Variants in WDPCP observed in about 807,000 individuals in gnomAD.
WDPCP encodes WD repeat containing planar cell polarity effector.
A neutral mutation model predicts 93.1 loss-of-function variants in WDPCP; 71 were observed. The observed-to-expected ratio is 0.76, with a 90% CI of 0.63 to 0.93. The LOEUF (loss-of-function observed/expected upper bound fraction) is 0.93. WDPCP is among the 40% of genes least tolerant of loss of function. The pLI is 0.00. For missense variants in WDPCP, 844 were observed against 887.4 expected (o/e 0.95, Z 0.62); for synonymous variants, 315 against 315.0 (o/e 1.00, Z 0.00).
At chr2:63,202,945 G>A (rs1194979658) in intron 14 of WDPCP, among the ~76,000 whole-genome samples, 1 of 151,998 alleles carries the variant, frequency 6.6e-6, no homozygotes, top group Non-Finnish European at 1.5e-5. Flanking sequence ...AGTGAGTTCA[G>A]CCCATTTACA....
In WDPCP at chr2:63,622,601, C is replaced by T. The variant is rs1575732198; in HGVS notation, n.488+28058G>A. 10 of 1,613,822 alleles carry T rather than the reference C, an allele frequency of 6.2e-6. No individual in the cohort carries two copies. In the South Asian group the frequency reaches 6.6e-5, roughly 11 times the overall value. ...CAATAGAGTCCTCCAGGATGTACAC[C>T]GAGTGAGCAACATTGGCAGGAAATA... On this transcript the variant is annotated intron_variant and non_coding_transcript_variant, in intron 3 of 4. Transcript: ENST00000467687.
intron 13 of WDPCP, among the ~76,000 whole-genome samples, chr2:63,260,057 G>C (rs1427370024): frequency 2.0e-5 from 3 of 152,190 alleles, no homozygotes; most frequent in Non-Finnish European, 4.4e-5. Context: ...GATCTCTGAT[G>C]GTAGTCTTGA....
intron 2 of WDPCP, among the ~76,000 whole-genome samples, chr2:63,702,740 C>CT (rs1249843621): frequency 4.1e-5 from 6 of 147,864 alleles, no homozygotes; most frequent in Admixed American, 6.8e-5. Flanking sequence ...TTTAATTATA[C>CT]TTTAAGTTTT....
At chr2:63,738,503 G>C (rs1237615818) in intron 2 of WDPCP, among the ~76,000 whole-genome samples, 2 of 151,868 alleles carry the variant, frequency 1.3e-5, no homozygotes, top group African/African-American at 4.8e-5. Context: ...GAATGCTTAT[G>C]ACAAATGAGA....
At chr2:63,498,411 A>C (rs1225940410) in intron 1 of WDPCP, among the ~76,000 whole-genome samples, 1 of 152,196 alleles carries the variant, frequency 6.6e-6, no homozygotes, top group East Asian at 1.9e-4. Flanking sequence ...AATTCTAGAA[A>C]GCCCCTTTTC....
At chr2:63,504,171 T>C (rs1479743515) in intron 1 of WDPCP, among the ~76,000 whole-genome samples, 1 of 152,102 alleles carries the variant, frequency 6.6e-6, no homozygotes, top group African/African-American at 2.4e-5. Context: ...GAAAACCTTT[T>C]TTCTATGGCT....
intron 6 of WDPCP, among the ~76,000 whole-genome samples, chr2:63,450,101 C>A (rs1484958094): frequency 1.3e-5 from 2 of 152,180 alleles, no homozygotes; most frequent in African/African-American, 4.8e-5. Flanking sequence ...AGTGACCGTG[C>A]CTCAAGCAGT....
chr2:63,468,294 T>TCTC (rs943054430), intron 6 of WDPCP, among the ~76,000 whole-genome samples: 1 of 152,212 alleles, frequency 6.6e-6, no homozygotes, highest in Non-Finnish European at 1.5e-5. Flanking sequence ...ACATGGCTAG[T>TCTC]ACTATCTTGC....
At chr2:63,351,480 A>G (rs1188441498) in intron 12 of WDPCP, among the ~76,000 whole-genome samples, 1 of 151,876 alleles carries the variant, frequency 6.6e-6, no homozygotes, top group Non-Finnish European at 1.5e-5. Context: ...ATTAATGTCC[A>G]TGTATGCTCA....
chr2:63,440,012 CT>C, intron 6 of WDPCP, 141 bp from the exon 7 acceptor site: 1 of 641,676 alleles, frequency 1.6e-6, no homozygotes, highest in East Asian at 2.8e-5. Context: ...ATTTTCTTCA[CT>C]GAAAAACAAT....
At chr2:63,584,594 A>G (rs947471816) in intron 1 of WDPCP, among the ~76,000 whole-genome samples, 1 of 152,134 alleles carries the variant, frequency 6.6e-6, no homozygotes, top group Non-Finnish European at 1.5e-5. Context: ...ACATTTTCCT[A>G]TTGATGGCCA....
chr2:63,547,646 G>T (rs1705251208), intron 1 of WDPCP, among the ~76,000 whole-genome samples: 1 of 151,306 alleles, frequency 6.6e-6, no homozygotes, highest in African/African-American at 2.4e-5. Context: ...GTCATTTGCA[G>T]CAACATAGAT....
At chr2:63,212,657 A>G (rs1302271257) in intron 14 of WDPCP, among the ~76,000 whole-genome samples, 1 of 152,216 alleles carries the variant, frequency 6.6e-6, no homozygotes, top group Non-Finnish European at 1.5e-5. Context: ...GCCCCAATTA[A>G]AAGACACAGA....
chr2:63,312,986 G>A (rs374199803), intron 13 of WDPCP, among the ~76,000 whole-genome samples: 1 of 151,642 alleles, frequency 6.6e-6, no homozygotes, highest in African/African-American at 2.4e-5. Flanking sequence ...CAAGGTACAT[G>A]AGGAGAAAAG....
intron 3 of WDPCP, among the ~76,000 whole-genome samples, chr2:63,639,172 G>A (rs1406150198): frequency 6.6e-6 from 1 of 152,054 alleles, no homozygotes; most frequent in Non-Finnish European, 1.5e-5. Context: ...AGGAGGCGGA[G>A]GTTACAGTGA....
intron 2 of WDPCP, among the ~76,000 whole-genome samples, chr2:63,786,364 A>AT (rs1305522837): frequency 6.6e-6 from 1 of 152,064 alleles, no homozygotes; most frequent in African/African-American, 2.4e-5. Flanking sequence ...AAACATTTGA[A>AT]TTTTTTTTAA....
chr2:63,315,905 A>G (rs565476935), intron 12 of WDPCP, among the ~76,000 whole-genome samples: 7 of 151,850 alleles, frequency 4.6e-5, no homozygotes, highest in Non-Finnish European at 7.4e-5. Flanking sequence ...TGTGACTACA[A>G]GCATGTGCCA....
intron 3 of WDPCP, chr2:63,595,587 T>C (rs1709295406): frequency 2.1e-6 from 2 of 955,602 alleles, no homozygotes; most frequent in South Asian, 2.8e-5. Flanking sequence ...TTTTAGGTTT[T>C]TGTTAAAGGC....
chr2:63,524,779 G>C (rs997379434), intron 1 of WDPCP, among the ~76,000 whole-genome samples: 1 of 152,280 alleles, frequency 6.6e-6, no homozygotes, highest in African/African-American at 2.4e-5. Flanking sequence ...AAGAACTTCT[G>C]CACAGCAACA....
Sources: allele counts gnomAD v4.1 joint callset (sites outside exome capture counted in the v4.1 genomes callset), GRCh38; gene constraint gnomAD v4.1.1; transcripts MANE v1.5; gene names NCBI Gene and HGNC (gene_info 2026-07-23, HGNC 2026-07-21).